The following ADCY8 variants were observed in gnomAD, a reference collection of about 807,000 sequenced individuals.
ADCY8 encodes the protein adenylate cyclase type 8.
Under a neutral mutation model 119.7 loss-of-function variants are expected in ADCY8, and 51 were observed. That is an observed-to-expected ratio of 0.43 (90% CI 0.34 to 0.54). The LOEUF is 0.54. Among genes scored for constraint, ADCY8 ranks in the 20% least tolerant of loss-of-function variants. ADCY8 has a pLI of 0.03. For missense variants in ADCY8, 1,383 were observed against 1,598.8 expected, an observed-to-expected ratio of 0.87 and a Z score of 2.30; for synonymous variants, 665 against 651.0, an observed-to-expected ratio of 1.02 and a Z score of -0.33.
At chr8:130,937,484 T>C (rs1488046534) in intron 4 of ADCY8, among the ~76,000 whole-genome samples, 1 of 152,212 alleles carries the variant, frequency 6.6e-6, no homozygotes, top group East Asian at 1.9e-4. Context: ...CTCTATGGTC[T>C]GCACACCTGT....
intron 4 of ADCY8, among the ~76,000 whole-genome samples, chr8:130,938,114 C>T (rs560613960): frequency 3.9e-5 from 6 of 152,284 alleles, no homozygotes; most frequent in South Asian, 2.1e-4. Context: ...CACTGGTTTA[C>T]GAGTCACACT....
intron 15 of ADCY8, among the ~76,000 whole-genome samples, chr8:130,797,013 A>C (rs926669869): frequency 6.6e-6 from 1 of 152,168 alleles, no homozygotes; most frequent in Non-Finnish European, 1.5e-5. Context: ...AAGACTCTAG[A>C]GTGTCAACAA....
At chr8:130,970,473 G>A (rs1033297216) in intron 2 of ADCY8, among the ~76,000 whole-genome samples, 6 of 152,096 alleles carry the variant, frequency 3.9e-5, no homozygotes, top group Non-Finnish European at 7.3e-5. Context: ...CAAGCCCAGG[G>A]CTCCCACTGA....
At chr8:130,869,955 T>TCCTTCTTC (rs1554610094) in intron 8 of ADCY8, among the ~76,000 whole-genome samples, 1 of 116,068 alleles carries the variant, frequency 8.6e-6, no homozygotes, top group Non-Finnish European at 1.8e-5. Flanking sequence ...TTCTTCTTCT[T>TCCTTCTTC]CTTCTTCCTT....
chr8:130,957,370 T>A (rs1821461448), intron 2 of ADCY8, among the ~76,000 whole-genome samples: 1 of 152,122 alleles, frequency 6.6e-6, no homozygotes, highest in African/African-American at 2.4e-5. Flanking sequence ...AGGGAAGAAA[T>A]TTTTAAGCAG....
chr8:130,852,449 C>T (rs2130328444), intron 9 of ADCY8, among the ~76,000 whole-genome samples: 1 of 152,112 alleles, frequency 6.6e-6, no homozygotes, highest in African/African-American at 2.4e-5. Context: ...TTTCTGGGCA[C>T]CAGGGGGAGA....
chr8:131,023,128 T>C (rs1823724832), intron 1 of ADCY8, among the ~76,000 whole-genome samples: 2 of 152,156 alleles, frequency 1.3e-5, no homozygotes, highest in South Asian at 4.1e-4. Context: ...TATGCAGGAA[T>C]ACCATTAAGA....
chr8:131,001,387 G>T (rs1586645500), intron 1 of ADCY8, among the ~76,000 whole-genome samples: 1 of 151,906 alleles, frequency 6.6e-6, no homozygotes, highest in South Asian at 2.1e-4. Context: ...ACCTGGGTTT[G>T]CATTCCTCAG....
chr8:131,006,806 T>C (rs1425821511), intron 1 of ADCY8, among the ~76,000 whole-genome samples: 3 of 152,148 alleles, frequency 2.0e-5, no homozygotes, highest in Admixed American at 1.3e-4. Context: ...CCAAAAGACC[T>C]GTAATAATTT....
rs532684848 is a variant in ADCY8, at chr8:131,020,393, T to C, written c.960+18981A>G. Among the ~76,000 whole-genome samples the C allele has an allele frequency of 5.3e-5, 8 of 152,186 alleles. No individual in the cohort carries two copies. In the East Asian group the frequency reaches 1.4e-3, roughly 26 times the overall value. ...ACTTGAGGACATTCAGCAGGCAAACTTGCAATGGACTGGCCATGGGACAGT... is the reference window on the plus strand; with the variant it reads ...ACTTGAGGACATTCAGCAGGCAAACCTGCAATGGACTGGCCATGGGACAGT... On this transcript the variant is annotated intron_variant, in intron 1 of 17. Coordinates refer to ENST00000286355, the MANE Select transcript of ADCY8 (RefSeq NM_001115.3).
intron 13 of ADCY8, among the ~76,000 whole-genome samples, chr8:130,820,128 A>G (rs1448409737): frequency 2.0e-5 from 3 of 152,242 alleles, no homozygotes; most frequent in South Asian, 2.1e-4. Context: ...TAGGGACTCA[A>G]TAAATATTAA....
chr8:130,921,573 C>A (rs1018431787), intron 5 of ADCY8, among the ~76,000 whole-genome samples: 4 of 151,636 alleles, frequency 2.6e-5, no homozygotes, highest in Non-Finnish European at 4.4e-5. Flanking sequence ...CCTGCCTCAG[C>A]CTCCCTAGTA....
intron 5 of ADCY8, among the ~76,000 whole-genome samples, chr8:130,920,144 T>TAAAAAAA (rs71304399): frequency 7.0e-5 from 7 of 99,810 alleles, no homozygotes; most frequent in African/African-American, 2.4e-4. Context: ...CTCCGTTTCT[T>TAAAAAAA]AAAAAAAAAA....
At chr8:130,785,713 C>T (rs962631893) in intron 15 of ADCY8, among the ~76,000 whole-genome samples, 2 of 152,182 alleles carry the variant, frequency 1.3e-5, no homozygotes, top group Non-Finnish European at 2.9e-5. Context: ...AGTAGGTCTG[C>T]CCCTTCACAT....
chr8:130,826,875 T>G (rs981545545), intron 12 of ADCY8, among the ~76,000 whole-genome samples: 9 of 151,982 alleles, frequency 5.9e-5, no homozygotes, highest in African/African-American at 2.2e-4. Flanking sequence ...ACAGTAGATC[T>G]TAAGATATTT....
chr8:130,879,430 C>A (rs1051839634), intron 8 of ADCY8, among the ~76,000 whole-genome samples: 1 of 152,152 alleles, frequency 6.6e-6, no homozygotes, highest in East Asian at 1.9e-4. Flanking sequence ...CCTTCTACTG[C>A]AATAATAATT....
At chr8:130,830,493 T>C (rs1816798963) in intron 12 of ADCY8, among the ~76,000 whole-genome samples, 1 of 152,164 alleles carries the variant, frequency 6.6e-6, no homozygotes, top group Admixed American at 6.5e-5. Context: ...CTGTCCCTGA[T>C]CATTCTTTCC....
chr8:130,885,005 G>C (rs1044445301), intron 7 of ADCY8, among the ~76,000 whole-genome samples: 1 of 152,134 alleles, frequency 6.6e-6, no homozygotes, highest in African/African-American at 2.4e-5. Flanking sequence ...TCCTTTGGTT[G>C]AGGTATTTGG....
intron 9 of ADCY8, among the ~76,000 whole-genome samples, chr8:130,863,404 T>A (rs182304899): frequency 1.5e-3 from 226 of 150,304 alleles, no homozygotes; most frequent in Middle Eastern, 3.4e-3. Context: ...TTTTTTTTTT[T>A]ATCTACTCTG....
Sources: allele counts gnomAD v4.1 joint callset (sites outside exome capture counted in the v4.1 genomes callset), GRCh38; gene constraint gnomAD v4.1.1; transcripts MANE v1.5; gene names NCBI Gene and HGNC (gene_info 2026-07-23, HGNC 2026-07-21).